TRIM66: variants seen among roughly 807,000 people sequenced by gnomAD.
The protein encoded by TRIM66 is tripartite motif containing 66.
A neutral mutation model predicts 148.2 loss-of-function variants in TRIM66; 99 were observed. The ratio of observed to expected loss-of-function variants is 0.67; its 90% CI spans 0.57 to 0.79. The LOEUF is 0.79. Among genes scored for constraint, TRIM66 ranks in the 30% least tolerant of loss-of-function variants. The probability of loss-of-function intolerance (pLI) is 0.00; values close to 1 mark genes in which losing one functional copy is unlikely to be tolerated. For synonymous variants in TRIM66, 616 were observed against 635.9 expected, an observed-to-expected ratio of 0.97 and a Z score of 0.47; for missense variants, 1,666 against 1,697.9, an observed-to-expected ratio of 0.98 and a Z score of 0.33.
intron 15 of TRIM66, among the ~76,000 whole-genome samples, chr11:8,633,863 C>T (rs533618585): frequency 1.1e-4 from 17 of 152,212 alleles, no homozygotes; most frequent in Non-Finnish European, 1.9e-4. Context: ...TTTTATAAGA[C>T]TCAAATTAAG....
upstream of TRIM66, chr11:8,682,765 A>T: frequency 6.2e-7 from 1 of 1,613,154 alleles, no homozygotes; most frequent in Non-Finnish European, 8.5e-7. Context: ...CGTGGCCGAT[A>T]CCTCGCGAGA....
chr11:8,633,219 G>C (rs1211896461), intron 15 of TRIM66, among the ~76,000 whole-genome samples: 1 of 152,204 alleles, frequency 6.6e-6, no homozygotes, highest in Non-Finnish European at 1.5e-5. Context: ...CTACTCAGGA[G>C]GCTGAGACAG....
chr11:8,625,289 G>C, intron 15 of TRIM66, 61 bp from the exon 16 acceptor site: 2 of 1,441,210 alleles, frequency 1.4e-6, no homozygotes, highest in African/African-American at 1.4e-5. Context: ...GGGAGGGAGA[G>C]GAGGGACCCA....
intron 15 of TRIM66, among the ~76,000 whole-genome samples, chr11:8,637,617 A>G (rs2035999342): frequency 6.6e-6 from 1 of 152,194 alleles, no homozygotes; most frequent in African/African-American, 2.4e-5. Context: ...TAAGACATGC[A>G]TTGCAATGGT....
At chr11:8,682,558 T>C in intron 1 of TRIM66, 43 bp downstream of exon 1, 1 of 581,226 alleles carries the variant, frequency 1.7e-6, no homozygotes, top group Non-Finnish European at 3.1e-6. Flanking sequence ...GCCCCGATTC[T>C]TCAACAGTTC....
chr11:8,671,778 G>C lies in TRIM66; in HGVS notation c.340+8C>G. 2 of 1,223,122 alleles carry C rather than the reference G, an allele frequency of 1.6e-6. No individual in the cohort carries two copies. The highest frequency in any genetic ancestry group is 2.5e-5 in the East Asian group (1 of 39,488). 75.8% of individuals were successfully genotyped at this position (1,223,122 alleles called of 1,614,324 possible). A position where few individuals can be genotyped will look rare whatever the true frequency, so the allele number is the denominator to read the frequency against. On this transcript the variant is annotated splice_region_variant and intron_variant, in intron 6 of 24. Coordinates refer to ENST00000646038, the MANE Select transcript of TRIM66 (RefSeq NM_001388022.1). The stretch of plus-strand genomic sequence containing the variant: ...TGGGAGGTGAACTTGTGGTGCCTTT[G>C]TACTTACCATCTGCAACAGTCTCAT...
chr11:8,672,035 C>CT lies in TRIM66; in HGVS notation c.90dup (p.Val31SerfsTer27). ...TCCACAGCCATGCCTGTGCCCAGGA[C>CT]TGGGGCTTTTCCACTGATATCCTCA... On this transcript the variant is annotated frameshift_variant, in exon 6 of 25. Transcript: ENST00000646038. LOFTEE classifies it high-confidence loss of function. 6.5e-7 allele frequency: 1 copy of CT among 1,535,872 alleles called. No individual in the cohort carries two copies. The highest frequency in any genetic ancestry group is 1.7e-4 in the Middle Eastern group (1 of 5,950).
intron 12 of TRIM66, among the ~76,000 whole-genome samples, chr11:8,643,587 C>T (rs1024264355): frequency 3.3e-5 from 5 of 152,050 alleles, no homozygotes; most frequent in African/African-American, 1.2e-4. Context: ...CGTGATCTGC[C>T]CACCTCGGCC....
chr11:8,676,160 T>G (rs2039167884), intron 3 of TRIM66, among the ~76,000 whole-genome samples: 1 of 152,176 alleles, frequency 6.6e-6, no homozygotes, highest in African/African-American at 2.4e-5. Flanking sequence ...AAAAAGTACT[T>G]AAGAATTTCA....
chr11:8,647,493 T>C (rs1477874060), intron 10 of TRIM66, among the ~76,000 whole-genome samples: 3 of 152,176 alleles, frequency 2.0e-5, no homozygotes, highest in Non-Finnish European at 4.4e-5. Context: ...CCCAACCCAG[T>C]GCCTGACACA....
chr11:8,616,219 A>C lies in TRIM66; in HGVS notation c.*1725T>G, dbSNP rs996891733. 6 of 152,374 alleles carry C rather than the reference A, an allele frequency of 3.9e-5. No individual in the cohort carries two copies. In the South Asian group the frequency reaches 1.2e-3, roughly 32 times the overall value. The allele number at this position is 152,374 out of a possible 1,614,324, so 9.4% of individuals were successfully genotyped here. A position where few individuals can be genotyped will look rare whatever the true frequency, so the allele number is the denominator to read the frequency against. On this transcript the variant is annotated 3_prime_UTR_variant, in exon 25 of 25. Transcript: ENST00000646038. ...GTGCTGCTGAAAGAATGGCAAGCCA[A>C]GGGGCATGGTTTGCTTTAAAGTGAA...
chr11:8,643,857 C>A (rs2036617026), intron 12 of TRIM66, among the ~76,000 whole-genome samples: 1 of 152,154 alleles, frequency 6.6e-6, no homozygotes, highest in African/African-American at 2.4e-5. Context: ...CCAACACTTT[C>A]ATCTATTTCT....
At chr11:8,682,428 A>AT (rs17552254) in intron 1 of TRIM66, 173 bp downstream of exon 1, 1 of 295,910 alleles carries the variant, frequency 3.4e-6, no homozygotes, top group Non-Finnish European at 6.5e-6. Context: ...GGGCTGGCGC[A>AT]TTTGGTGAGG....
chr11:8,662,047 T>C (rs1282832102), intron 6 of TRIM66, among the ~76,000 whole-genome samples: 1 of 152,158 alleles, frequency 6.6e-6, no homozygotes, highest in Non-Finnish European at 1.5e-5. Flanking sequence ...AGAGAGCCAA[T>C]TAAGGCGAGG....
intron 12 of TRIM66, among the ~76,000 whole-genome samples, chr11:8,643,497 G>A (rs542345260): frequency 5.9e-5 from 9 of 151,954 alleles, no homozygotes; most frequent in Admixed American, 3.9e-4. Context: ...CCGCCACCAC[G>A]CCCAGCTAAT....
intron 6 of TRIM66, among the ~76,000 whole-genome samples, chr11:8,656,527 TAGCAG>T (rs1433875903): frequency 1.3e-5 from 2 of 152,188 alleles, no homozygotes; most frequent in African/African-American, 4.8e-5. Context: ...CTTAGGAGCC[TAGCAG>T]AGCAGCTCTG....
chr11:8,673,745 T>A (rs2039053200), intron 4 of TRIM66, among the ~76,000 whole-genome samples: 1 of 152,250 alleles, frequency 6.6e-6, no homozygotes, highest in Non-Finnish European at 1.5e-5. Context: ...ATATTCAGTT[T>A]TATAGTTGTA....
Position 8,615,170 on chromosome 11 carries a change from C to G in TRIM66, c.*2774G>C, listed in dbSNP as rs1362873429. 3.3e-5 allele frequency: 5 copies of G among 152,190 alleles called. No homozygotes were observed. The highest frequency in any genetic ancestry group is 1.2e-4 in the African/African-American group (5 of 41,440). 9.4% of individuals were successfully genotyped at this position (152,190 alleles called of 1,614,324 possible). On this transcript the variant is annotated 3_prime_UTR_variant, in exon 25 of 25. Coordinates refer to ENST00000646038, the MANE Select transcript of TRIM66 (RefSeq NM_001388022.1). ...TCTCGAACTGCTGTCCTTAGGTGAT[C>G]CACCCACCTCAGCCTCCCAAAGTGC...
rs1029476556 is a variant in TRIM66 at position 8,644,259 on chromosome 11, G to A, written c.1105-1133C>T. The stretch of plus-strand genomic sequence containing the variant: ...TCTTAGGTAATCCAGCCATACCAAA[G>A]CCATGTTATCTGGGGCCACTTCAGT... On this transcript the variant is annotated intron_variant, in intron 12 of 24. Transcript: ENST00000646038. The A allele has an allele frequency of 1.2e-5, 4 of 347,056 alleles. No homozygotes were observed. In the East Asian group the frequency reaches 3.3e-4, roughly 29 times the overall value. The allele number at this position is 347,056 out of a possible 1,614,324, so 21.5% of individuals were successfully genotyped here.
Sources: gnomAD v4.1 joint callset for allele counts (sites outside exome capture counted in the v4.1 genomes callset) on GRCh38, gnomAD v4.1.1 for gene constraint, MANE v1.5 for transcripts, NCBI Gene and HGNC (gene_info 2026-07-23, HGNC 2026-07-21) for gene names.